The following ATXN7 variants were observed in gnomAD, a reference collection of about 807,000 sequenced individuals.
The protein encoded by ATXN7 is ataxin-7.
A neutral mutation model predicts 70.5 loss-of-function variants in ATXN7; 12 were observed. The ratio of observed to expected loss-of-function variants is 0.17; its 90% confidence interval spans 0.11 to 0.28. ATXN7 has a LOEUF of 0.28. Among genes scored for constraint, ATXN7 ranks in the 10% least tolerant of loss-of-function variants. ATXN7 has a pLI of 1.00. For synonymous variants in ATXN7, 498 were observed against 448.7 expected, an observed-to-expected ratio of 1.11 and a Z score of -1.39; for missense variants, 1,256 against 1,131.7, an observed-to-expected ratio of 1.11 and a Z score of -1.58.
At chr3:63,924,339 A>C (rs914861125) in intron 4 of ATXN7, among the ~76,000 whole-genome samples, 1 of 152,154 alleles carries the variant, frequency 6.6e-6, no homozygotes, top group Non-Finnish European at 1.5e-5. Flanking sequence ...TTGAATACAC[A>C]ATCTGGAGCA....
intron 5 of ATXN7, among the ~76,000 whole-genome samples, chr3:63,953,297 G>A (rs1290250376): frequency 1.3e-5 from 2 of 152,132 alleles, no homozygotes; most frequent in Admixed American, 1.3e-4. Flanking sequence ...TGATGAGAAG[G>A]AGCAACTCGG....
At chr3:63,867,628 G>A (rs1454535384) in intron 1 of ATXN7, among the ~76,000 whole-genome samples, 1 of 149,944 alleles carries the variant, frequency 6.7e-6, no homozygotes, top group African/African-American at 2.5e-5. Flanking sequence ...GAGAGGCCAA[G>A]GCGGGTGGAT....
intron 2 of ATXN7, chr3:63,900,972 C>T (rs1703616856): frequency 6.6e-6 from 1 of 152,218 alleles, no homozygotes; most frequent in South Asian, 2.1e-4. Flanking sequence ...GCAATCCCTT[C>T]TCAGCAGCAG....
At chr3:63,980,341 CA>C in intron 6 of ATXN7, 174 bp downstream of exon 6, 1 of 859,322 alleles carries the variant, frequency 1.2e-6, no homozygotes, top group Non-Finnish European at 1.8e-6. Flanking sequence ...GGAAACTTTT[CA>C]GAGTAGTAAT....
At chr3:63,882,485 A>G (rs1303704933) in intron 1 of ATXN7, among the ~76,000 whole-genome samples, 1 of 151,662 alleles carries the variant, frequency 6.6e-6, no homozygotes, top group African/African-American at 2.4e-5. Flanking sequence ...CACAGGTTCA[A>G]GCAATTCTCG....
intron 4 of ATXN7, among the ~76,000 whole-genome samples, chr3:63,927,398 T>C (rs1222661548): frequency 6.6e-6 from 1 of 152,200 alleles, no homozygotes; most frequent in Non-Finnish European, 1.5e-5. Flanking sequence ...AGTGTTTACA[T>C]AGGTCTTGGC....
At position 63,995,928 on chromosome 3, in the gene ATXN7, C is replaced by T. The variant is rs754048149; in HGVS notation, c.2106C>T (p.Gly702=). The T allele has an allele frequency of 2.5e-6, 4 of 1,614,180 alleles. No individual in the cohort carries two copies. Among genetic ancestry groups the T allele is most frequent in the Admixed American group, 3.3e-5 (2 of 60,022 alleles). Residue 702 remains glycine, a synonymous_variant, in exon 12 of 13, where the codon GGC becomes GGT. Coordinates refer to ENST00000674280, the MANE Select transcript of ATXN7 (RefSeq NM_001377405.1). Reference sequence around the variant, plus strand: ...ATGCCAGTAGCAGTACCAGTGGCGGCTCAGGAAAGAAACGCAAAAACAGTT... The same window carrying T: ...ATGCCAGTAGCAGTACCAGTGGCGGTTCAGGAAAGAAACGCAAAAACAGTT... ...CQNASSSTSG[G]SGKKRKNSSP...
intron 5 of ATXN7, among the ~76,000 whole-genome samples, chr3:63,958,378 T>G (rs1016365500): frequency 1.3e-5 from 2 of 152,248 alleles, no homozygotes; most frequent in Admixed American, 6.5e-5. Flanking sequence ...TTTCAAAGAA[T>G]GTTAGTACTA....
intron 2 of ATXN7, among the ~76,000 whole-genome samples, chr3:63,903,386 C>CAAAA: frequency 2.0e-5 from 1 of 49,556 alleles, no homozygotes; most frequent in South Asian, 8.7e-4. Context: ...GACTCCGTCT[C>CAAAA]AAAAAAAAAA....
At chr3:63,997,142 C>T (rs1366337623) in intron 12 of ATXN7, among the ~76,000 whole-genome samples, 1 of 152,138 alleles carries the variant, frequency 6.6e-6, no homozygotes, top group Non-Finnish European at 1.5e-5. Context: ...CCTGTAATCC[C>T]AGCTACTCAG....
chr3:63,972,962 C>G (rs2075337515), intron 5 of ATXN7, among the ~76,000 whole-genome samples: 1 of 152,186 alleles, frequency 6.6e-6, no homozygotes, highest in Admixed American at 6.5e-5. Context: ...AACAGGGGGC[C>G]TCTGTCTTAT....
chr3:63,999,650 C>T lies in ATXN7; in HGVS notation c.*183C>T. On this transcript the variant is annotated 3_prime_UTR_variant, in exon 13 of 13. Transcript: ENST00000674280. ...GATTTCCCTGAAGCTATGTCTCTAG[C>T]AGTGAGTACTCATAAAGGACACTGG... is the stretch of plus-strand genomic sequence containing the variant. 1 of 1,079,576 alleles carries T rather than the reference C, an allele frequency of 9.3e-7. No individual in the cohort carries two copies. Among genetic ancestry groups the T allele is most frequent in the Non-Finnish European group, 1.4e-6 (1 of 719,460 alleles). 66.9% of individuals were successfully genotyped at this position (1,079,576 alleles called of 1,614,324 possible).
At chr3:63,866,952 A>C (rs1702450586) in intron 1 of ATXN7, 1 of 149,534 alleles carries the variant, frequency 6.7e-6, no homozygotes, top group South Asian at 2.1e-4. Context: ...GAGTCATAAG[A>C]TTTCTGGGTT....
chr3:63,870,758 C>T (rs1432051649), intron 1 of ATXN7, among the ~76,000 whole-genome samples: 1 of 152,128 alleles, frequency 6.6e-6, no homozygotes, highest in Non-Finnish European at 1.5e-5. Flanking sequence ...GCCTCTCAAG[C>T]TGCTAACTAG....
At chr3:63,991,801 G>A (rs533084096) in intron 11 of ATXN7, among the ~76,000 whole-genome samples, 3 of 151,280 alleles carry the variant, frequency 2.0e-5, no homozygotes, top group African/African-American at 7.3e-5. Context: ...GGCCAAAAAG[G>A]TTTAACTCAG....
At chr3:63,982,068 C>T in intron 6 of ATXN7, 118 bp from the exon 7 acceptor site, 1 of 1,336,914 alleles carries the variant, frequency 7.5e-7, no homozygotes, top group East Asian at 2.3e-5. Context: ...TTCCAAGAGG[C>T]TGGCCCTGTG....
At chr3:63,961,852 A>G (rs1305841563) in intron 5 of ATXN7, among the ~76,000 whole-genome samples, 2 of 152,316 alleles carry the variant, frequency 1.3e-5, no homozygotes, top group African/African-American at 2.4e-5. Context: ...TTCAGCTTTA[A>G]TGGAGATATT....
chr3:63,977,732 A>AG (rs2075411890), intron 5 of ATXN7, among the ~76,000 whole-genome samples: 1 of 152,168 alleles, frequency 6.6e-6, no homozygotes, highest in Admixed American at 6.5e-5. Context: ...AAGAAGCAGT[A>AG]GGAGAGTAGG....
At chr3:63,997,716 C>T in intron 12 of ATXN7, 1 of 1,550,806 alleles carries the variant, frequency 6.4e-7, no homozygotes, top group South Asian at 1.2e-5. Context: ...ATTTTTTTTC[C>T]CCTTCCTCGT....
Sources: gnomAD v4.1 joint callset for allele counts (sites outside exome capture counted in the v4.1 genomes callset) on GRCh38, gnomAD v4.1.1 for gene constraint, MANE v1.5 for transcripts, NCBI Gene and HGNC (gene_info 2026-07-23, HGNC 2026-07-21) for gene names.